The following RAD51B variants were observed in gnomAD, a reference collection of about 807,000 sequenced individuals.
RAD51B encodes the protein RAD51 paralog B, also known as DNA repair protein RAD51 homolog 2.
RAD51B carries 38 observed loss-of-function variants against 42.2 expected under a neutral mutation model. The observed-to-expected ratio is 0.90, with a 90% CI of 0.70 to 1.18. The LOEUF is 1.18. RAD51B is among the 50% of genes most tolerant of loss of function. The probability of loss-of-function intolerance (pLI) is 0.00; values close to 1 mark genes in which losing one functional copy is unlikely to be tolerated. For missense variants in RAD51B, 373 were observed against 400.7 expected, an observed-to-expected ratio of 0.93 and a Z score of 0.59; for synonymous variants, 154 against 145.2, an observed-to-expected ratio of 1.06 and a Z score of -0.43.
At chr14:68,186,480 A>G (rs545604240) in intron 7 of RAD51B, among the ~76,000 whole-genome samples, 2 of 152,240 alleles carry the variant, frequency 1.3e-5, no homozygotes, top group Non-Finnish European at 2.9e-5. Flanking sequence ...AAGGTGTAAT[A>G]TCCAAATTCT....
chr14:67,880,416 G>A (rs184967232), intron 5 of RAD51B, among the ~76,000 whole-genome samples: 192 of 152,298 alleles, frequency 1.3e-3, no homozygotes, highest in African/African-American at 4.4e-3. Context: ...CAATTGTACA[G>A]ATGTTTTTCC....
intron 7 of RAD51B, among the ~76,000 whole-genome samples, chr14:68,075,793 G>C (rs1233558110): frequency 6.6e-6 from 1 of 151,292 alleles, no homozygotes; most frequent in Non-Finnish European, 1.5e-5. Flanking sequence ...CACAGGGAAG[G>C]GAGACTGGGC....
intron 7 of RAD51B, among the ~76,000 whole-genome samples, chr14:67,939,781 A>G (rs940411830): frequency 6.6e-6 from 1 of 151,624 alleles, no homozygotes; most frequent in Non-Finnish European, 1.5e-5. Context: ...ACTTAATCGA[A>G]CCCTAATTAC....
intron 11 of RAD51B, among the ~76,000 whole-genome samples, chr14:68,652,141 A>G (rs1235435653): frequency 6.6e-6 from 1 of 151,498 alleles, no homozygotes; most frequent in Non-Finnish European, 1.5e-5. Context: ...ATTCCCTCCC[A>G]ACACGACGCC....
At chr14:68,453,282 T>A (rs1334264340) in intron 9 of RAD51B, among the ~76,000 whole-genome samples, 1 of 152,216 alleles carries the variant, frequency 6.6e-6, no homozygotes, top group Non-Finnish European at 1.5e-5. Flanking sequence ...AGAGCATGAA[T>A]CTTTTTGAGA....
chr14:68,634,130 T>G (rs913592766), intron 10 of RAD51B, among the ~76,000 whole-genome samples: 1 of 152,192 alleles, frequency 6.6e-6, no homozygotes, highest in African/African-American at 2.4e-5. Flanking sequence ...TGTGCAAACT[T>G]GGGCAAGTTA....
chr14:68,230,331 G>A (rs2080122204), intron 7 of RAD51B, among the ~76,000 whole-genome samples: 1 of 152,196 alleles, frequency 6.6e-6, no homozygotes, highest in African/African-American at 2.4e-5. Flanking sequence ...GACATCTGTG[G>A]GAGTAGAGGA....
downstream of RAD51B, among the ~76,000 whole-genome samples, chr14:68,481,987 A>G (rs1883215097): frequency 6.6e-6 from 1 of 152,170 alleles, no homozygotes; most frequent in Non-Finnish European, 1.5e-5. Flanking sequence ...CATGCACAGG[A>G]AAGTTGCCCC....
chr14:67,973,074 A>G (rs375284434), intron 7 of RAD51B, among the ~76,000 whole-genome samples: 6 of 152,094 alleles, frequency 3.9e-5, no homozygotes, highest in Admixed American at 3.3e-4. Context: ...AGTGATGACA[A>G]TGTAATTGGC....
chr14:68,251,297 C>T (rs2080627027), intron 7 of RAD51B, among the ~76,000 whole-genome samples: 1 of 152,184 alleles, frequency 6.6e-6, no homozygotes, highest in Non-Finnish European at 1.5e-5. Flanking sequence ...TGTGCTCCTC[C>T]CTCCTGAGTT....
intron 7 of RAD51B, among the ~76,000 whole-genome samples, chr14:68,060,527 T>C (rs2076550757): frequency 6.6e-6 from 1 of 152,240 alleles, no homozygotes; most frequent in African/African-American, 2.4e-5. Context: ...TAATTATTTA[T>C]AGGAATAAAT....
intron 7 of RAD51B, among the ~76,000 whole-genome samples, chr14:67,941,694 A>G (rs1305269614): frequency 6.6e-6 from 1 of 152,168 alleles, no homozygotes; most frequent in Admixed American, 6.5e-5. Flanking sequence ...GTTGTTTTAA[A>G]CAGGATTGGA....
At chr14:68,560,684 C>T (rs1188203320) in intron 10 of RAD51B, among the ~76,000 whole-genome samples, 6 of 152,058 alleles carry the variant, frequency 3.9e-5, no homozygotes, top group African/African-American at 7.3e-5. Flanking sequence ...TGCAGTGAGC[C>T]GAGATTGCGC....
intron 7 of RAD51B, among the ~76,000 whole-genome samples, chr14:68,239,211 G>C (rs2080331512): frequency 6.6e-6 from 1 of 152,180 alleles, no homozygotes; most frequent in African/African-American, 2.4e-5. Flanking sequence ...CTGGGGGGAT[G>C]TGGTTAGACA....
At chr14:68,488,199 CTTTTTTT>C (rs201866707) in intron 10 of RAD51B, among the ~76,000 whole-genome samples, 35 of 108,306 alleles carry the variant, frequency 3.2e-4, no homozygotes, top group East Asian at 1.9e-3. Flanking sequence ...TAGGGTTTGT[CTTTTTTT>C]TTTTTTTTTT....
rs531213198 is a variant in RAD51B, at chr14:68,462,963, A to G, written c.958-5209A>G. On this transcript the variant is annotated intron_variant, in intron 9 of 10. Transcript: ENST00000471583. ...AGACTTCCAAAGCCAACTTTCACAC[A>G]TTGCACACAGGTTTGAGTGCGATCA... 5.6e-4 allele frequency among the ~76,000 whole-genome samples: 86 copies of G among 152,302 alleles called. 1 individual carries two copies. The highest frequency in any genetic ancestry group is 2.0e-3 in the African/African-American group (84 of 41,556).
intron 11 of RAD51B, among the ~76,000 whole-genome samples, chr14:68,656,648 G>T (rs540460956): frequency 3.9e-5 from 6 of 152,204 alleles, no homozygotes; most frequent in Non-Finnish European, 7.3e-5. Flanking sequence ...TAATTGAAAA[G>T]GCGACCGCAG....
At chr14:68,638,678 G>T (rs776899450) in intron 10 of RAD51B, among the ~76,000 whole-genome samples, 3 of 152,066 alleles carry the variant, frequency 2.0e-5, no homozygotes, top group Non-Finnish European at 4.4e-5. Flanking sequence ...TCAGAGAGCT[G>T]ACGGTCCAGT....
chr14:68,108,192 A>T (rs2077405145), intron 7 of RAD51B, among the ~76,000 whole-genome samples: 1 of 151,570 alleles, frequency 6.6e-6, no homozygotes. Context: ...TGGTAAGAAT[A>T]TAAAAAAAAT....
Sources: allele counts gnomAD v4.1 joint callset (sites outside exome capture counted in the v4.1 genomes callset), GRCh38; gene constraint gnomAD v4.1.1; transcripts MANE v1.5; gene names NCBI Gene and HGNC (gene_info 2026-07-23, HGNC 2026-07-21).